Variants in THRB observed in about 807,000 individuals in gnomAD.
THRB encodes nuclear receptor subfamily 1 group A member 2.
THRB carries 12 observed loss-of-function variants against 47.8 expected under a neutral mutation model. The ratio of observed to expected loss-of-function variants is 0.25; its 90% CI spans 0.16 to 0.41. THRB has a LOEUF of 0.41. Among genes scored for constraint, THRB ranks in the 10% least tolerant of loss-of-function variants. THRB has a pLI of 1.00. For synonymous variants in THRB, 218 were observed against 212.2 expected (o/e 1.03, Z -0.24); for missense variants, 348 against 589.2 (o/e 0.59, Z 4.24).
intron 3 of THRB, among the ~76,000 whole-genome samples, chr3:24,249,075 C>T (rs901958861): frequency 3.3e-5 from 5 of 152,222 alleles, no homozygotes; most frequent in South Asian, 2.1e-4. Context: ...GAAACAACAC[C>T]GTTGACTTAA....
chr3:24,152,201 T>A (rs2037066315), intron 6 of THRB, among the ~76,000 whole-genome samples, 189 bp downstream of exon 6: 1 of 152,212 alleles, frequency 6.6e-6, no homozygotes, highest in Non-Finnish European at 1.5e-5. Flanking sequence ...ATTTATGATT[T>A]GGGAAAAAAA....
At chr3:24,320,326 G>A (rs1372876033) in intron 2 of THRB, among the ~76,000 whole-genome samples, 3 of 152,168 alleles carry the variant, frequency 2.0e-5, no homozygotes, top group Non-Finnish European at 4.4e-5. Context: ...CAGGGTTTTG[G>A]CTCCTAATAA....
At chr3:24,266,876 A>T (rs1356649776) in intron 3 of THRB, among the ~76,000 whole-genome samples, 2 of 152,058 alleles carry the variant, frequency 1.3e-5, no homozygotes, top group Non-Finnish European at 2.9e-5. Flanking sequence ...GGATGGAGGA[A>T]AGAGAGGAAG....
At chr3:24,459,806 T>G (rs116572199) in intron 1 of THRB, among the ~76,000 whole-genome samples, 3,486 of 152,220 alleles carry the variant, frequency 0.023, 145 homozygotes, top group African/African-American at 0.078. Context: ...TTTTGATGGT[T>G]TTTTTATTGT....
intron 1 of THRB, among the ~76,000 whole-genome samples, chr3:24,381,844 A>G (rs1013467509): frequency 6.6e-6 from 1 of 152,172 alleles, no homozygotes; most frequent in South Asian, 2.1e-4. Context: ...GGAAGAAGCT[A>G]TAAAAGTCAA....
chr3:24,298,831 C>A (rs1200197675), intron 2 of THRB, among the ~76,000 whole-genome samples: 1 of 152,228 alleles, frequency 6.6e-6, no homozygotes, highest in Non-Finnish European at 1.5e-5. Flanking sequence ...GGTCTCTAGA[C>A]ATGATTATGG....
At chr3:24,230,073 G>C (rs956220474) in intron 3 of THRB, among the ~76,000 whole-genome samples, 1 of 152,190 alleles carries the variant, frequency 6.6e-6, no homozygotes, top group African/African-American at 2.4e-5. Flanking sequence ...ATGAAAGGGA[G>C]GAACAATCTT....
chr3:24,452,506 G>A (rs1188734207), intron 1 of THRB, among the ~76,000 whole-genome samples: 3 of 152,150 alleles, frequency 2.0e-5, no homozygotes, highest in African/African-American at 7.2e-5. Context: ...TGAGCATGTA[G>A]TATGTGCCAG....
intron 3 of THRB, among the ~76,000 whole-genome samples, chr3:24,248,221 A>G (rs2050303885): frequency 1.3e-5 from 2 of 152,128 alleles, no homozygotes; most frequent in Admixed American, 1.3e-4. Context: ...AGGAGTATAT[A>G]CAAATGAACT....
At chr3:24,185,891 CCAGT>C (rs1317664705) in intron 5 of THRB, among the ~76,000 whole-genome samples, 1 of 152,018 alleles carries the variant, frequency 6.6e-6, no homozygotes, top group Non-Finnish European at 1.5e-5. Flanking sequence ...GATCAGGGCC[CCAGT>C]CAAACAGTGT....
At chr3:24,299,537 T>C (rs571755027) in intron 2 of THRB, among the ~76,000 whole-genome samples, 1 of 151,990 alleles carries the variant, frequency 6.6e-6, no homozygotes, top group Non-Finnish European at 1.5e-5. Flanking sequence ...TGCAAAAAAT[T>C]TGAAAAGATC....
intron 1 of THRB, among the ~76,000 whole-genome samples, chr3:24,380,668 A>G (rs1023643415): frequency 6.6e-6 from 1 of 152,176 alleles, no homozygotes; most frequent in Non-Finnish European, 1.5e-5. Context: ...AACCACTTAT[A>G]CCTAGAAAGA....
rs148692159 is a variant in THRB, at chr3:24,409,583, A to G, written c.-260-72212T>C. Among the ~76,000 whole-genome samples, 57 of 151,942 alleles carry G rather than the reference A, an allele frequency of 3.8e-4. No homozygotes were observed. In the East Asian group the frequency reaches 7.4e-3, roughly 20 times the overall value. ...AGAATTACAGTAGCTAGTGTATGCC[A>G]TATGGCCACTGTAAAATTAAATGAA... is the stretch of plus-strand genomic sequence containing the variant. On this transcript the variant is annotated intron_variant, in intron 1 of 10. Transcript: ENST00000646209.
At chr3:24,407,451 A>G (rs2067922102) in intron 1 of THRB, among the ~76,000 whole-genome samples, 2 of 151,836 alleles carry the variant, frequency 1.3e-5, no homozygotes, top group Admixed American at 1.3e-4. Context: ...ACCAGCTGAC[A>G]CTGCACTTCT....
At chr3:24,372,246 T>A (rs1041431643) in intron 1 of THRB, among the ~76,000 whole-genome samples, 1 of 152,076 alleles carries the variant, frequency 6.6e-6, no homozygotes, top group African/African-American at 2.4e-5. Context: ...GATTTTCAGG[T>A]GATAGTAATT....
intron 4 of THRB, among the ~76,000 whole-genome samples, chr3:24,209,885 T>C (rs538347055): frequency 1.3e-5 from 2 of 152,260 alleles, no homozygotes; most frequent in South Asian, 4.1e-4. Flanking sequence ...TTTCTAGTAA[T>C]GAAAGTCTGG....
intron 2 of THRB, among the ~76,000 whole-genome samples, chr3:24,301,863 C>T (rs1328157750): frequency 1.3e-5 from 2 of 152,132 alleles, no homozygotes; most frequent in Non-Finnish European, 2.9e-5. Context: ...GCAGATGTCA[C>T]TATGGAAGAA....
intron 10 of THRB, among the ~76,000 whole-genome samples, chr3:24,126,852 T>C (rs2032921887): frequency 6.6e-6 from 1 of 152,262 alleles, no homozygotes; most frequent in African/African-American, 2.4e-5. Context: ...CCTGTGTGAT[T>C]TGAGACTGGG....
rs561760552 is a variant in THRB, at chr3:24,284,573, T to G, written c.-43+12653A>C. ...AAGCAATGTCAACAAAAGCCAAAAT[T>G]GACAAATGGGATCTAATTAAACTAA... On this transcript the variant is annotated intron_variant, in intron 3 of 10. Coordinates refer to ENST00000646209, the MANE Select transcript of THRB (RefSeq NM_001354712.2). Among the ~76,000 whole-genome samples the G allele has an allele frequency of 1.5e-4, 22 of 151,058 alleles. No homozygotes were observed. The South Asian group carries it at 4.4e-3, about 30-fold the overall frequency.
Sources: allele counts gnomAD v4.1 joint callset (sites outside exome capture counted in the v4.1 genomes callset), GRCh38; gene constraint gnomAD v4.1.1; transcripts MANE v1.5; gene names NCBI Gene and HGNC (gene_info 2026-07-23, HGNC 2026-07-21).